GOLGA4: variants seen among roughly 807,000 people sequenced by gnomAD.
GOLGA4 encodes the protein golgin subfamily A member 4.
In GOLGA4, 169 loss-of-function variants were observed where a neutral mutation model predicts 265.9. The observed-to-expected ratio is 0.64, with a 90% confidence interval of 0.56 to 0.72. The LOEUF (loss-of-function observed/expected upper bound fraction) is 0.72. GOLGA4 is among the 30% of genes least tolerant of loss of function. GOLGA4 has a pLI of 0.00. For missense variants in GOLGA4, 2,482 were observed against 2,483.4 expected (o/e 1.00, Z 0.01); for synonymous variants, 923 against 855.8 (o/e 1.08, Z -1.37).
chr3:37,284,240 T>C (rs1289246443), intron 3 of GOLGA4, among the ~76,000 whole-genome samples: 1 of 152,136 alleles, frequency 6.6e-6, no homozygotes, highest in Non-Finnish European at 1.5e-5. Context: ...ATGTGCAGGG[T>C]TGTTACACTG....
At chr3:37,314,912 C>T (rs914094533) in intron 10 of GOLGA4, among the ~76,000 whole-genome samples, 3 of 152,070 alleles carry the variant, frequency 2.0e-5, no homozygotes, top group African/African-American at 7.2e-5. Flanking sequence ...AAACAAAAAT[C>T]TCTGCTCTTT....
chr3:37,356,793 C>T (rs1008085075), intron 22 of GOLGA4, among the ~76,000 whole-genome samples: 1 of 152,016 alleles, frequency 6.6e-6, no homozygotes, highest in African/African-American at 2.4e-5. Flanking sequence ...TATAAAAGGG[C>T]TTTTATTTAG....
chr3:37,243,404 T>C lies in GOLGA4; in HGVS notation c.-147T>C, dbSNP rs2096708070. 7 of 695,348 alleles carry C rather than the reference T, an allele frequency of 1.0e-5. No individual in the cohort carries two copies. The highest frequency in any genetic ancestry group is 5.2e-5 in the Admixed American group (2 of 38,114). 43.1% of individuals were successfully genotyped at this position (695,348 alleles called of 1,614,324 possible). A position where few individuals can be genotyped will look rare whatever the true frequency, so the allele number is the denominator to read the frequency against. ...ACACCCTCAGGACGAGTGTCCGGAC[T>C]TGCCCACAGCCTCAAGGAGGAGACG... On this transcript the variant is annotated 5_prime_UTR_variant, in exon 1 of 24. Coordinates refer to ENST00000361924, the MANE Select transcript of GOLGA4 (RefSeq NM_002078.5).
chr3:37,322,359 A>G (rs1274850902), intron 13 of GOLGA4, among the ~76,000 whole-genome samples: 2 of 152,200 alleles, frequency 1.3e-5, no homozygotes, highest in Admixed American at 6.5e-5. Flanking sequence ...TAGTCCCGTA[A>G]TGAACATATT....
intron 17 of GOLGA4, among the ~76,000 whole-genome samples, chr3:37,335,511 T>C (rs79068554): frequency 0.011 from 1,636 of 152,270 alleles, 38 homozygotes; most frequent in African/African-American, 0.035. Flanking sequence ...AAATGGTCCA[T>C]TGTAAATGTG....
At chr3:37,342,874 C>G (rs2097041504) in intron 20 of GOLGA4, among the ~76,000 whole-genome samples, 1 of 152,194 alleles carries the variant, frequency 6.6e-6, no homozygotes, top group Non-Finnish European at 1.5e-5. Context: ...TCTCACCACT[C>G]TAGCACCTCA....
At chr3:37,258,586 C>G (rs1272020487) in intron 2 of GOLGA4, among the ~76,000 whole-genome samples, 1 of 152,190 alleles carries the variant, frequency 6.6e-6, no homozygotes, top group Non-Finnish European at 1.5e-5. Flanking sequence ...CCTTGGACTC[C>G]TAAAGTGCTG....
intron 2 of GOLGA4, among the ~76,000 whole-genome samples, chr3:37,271,743 G>C (rs2096799295): frequency 6.6e-6 from 1 of 152,034 alleles, no homozygotes; most frequent in African/African-American, 2.4e-5. Flanking sequence ...CTAAAACAGT[G>C]CTTCCCAACC....
chr3:37,247,515 A>G (rs1451446888), intron 1 of GOLGA4, among the ~76,000 whole-genome samples: 2 of 152,244 alleles, frequency 1.3e-5, no homozygotes, highest in African/African-American at 2.4e-5. Flanking sequence ...ATGAAAAGTC[A>G]TGGTATAGGG....
intron 6 of GOLGA4, 95 bp downstream of exon 6, chr3:37,295,172 T>A (rs1165942640): frequency 3.2e-6 from 2 of 631,626 alleles, no homozygotes; most frequent in Non-Finnish European, 5.3e-6. Context: ...AAGTTTTTTC[T>A]TTTTTAAGAC....
chr3:37,316,493 T>C (rs2150932468), intron 11 of GOLGA4, among the ~76,000 whole-genome samples: 1 of 152,240 alleles, frequency 6.6e-6, no homozygotes, highest in East Asian at 1.9e-4. Flanking sequence ...TGCTGAACTA[T>C]AGGTAATTTG....
intron 8 of GOLGA4, 59 bp from the exon 9 acceptor site, chr3:37,299,229 G>C (rs1164469580): frequency 1.8e-6 from 2 of 1,137,004 alleles, no homozygotes; most frequent in Non-Finnish European, 2.6e-6. Flanking sequence ...AATGTTTAGA[G>C]TTCTCAAATG....
In GOLGA4 at chr3:37,325,022, A is replaced by G. The variant is rs1366388105; in HGVS notation, c.3136A>G (p.Ile1046Val). 7.4e-6 allele frequency: 12 copies of G among 1,612,808 alleles called. No individual in the cohort carries two copies. The highest frequency in any genetic ancestry group is 2.2e-5 in the East Asian group (1 of 44,854). Reference sequence around the variant, plus strand: ...ACGAGAACTCAATGATGTCATATCAATCTGGGAAAAGAAACTTAATCAGCA... The same window carrying G: ...ACGAGAACTCAATGATGTCATATCAGTCTGGGAAAAGAAACTTAATCAGCA... ...HRRELNDVIS[I>V]WEKKLNQQAE... The change falls in exon 14 of 24, where the codon ATC becomes GTC. Residue 1046 changes from isoleucine (I) to valine (V), a missense_variant. Ile to Val is a conservative substitution (Grantham distance 29). Coordinates refer to ENST00000361924, the MANE Select transcript of GOLGA4 (RefSeq NM_002078.5).
intron 1 of GOLGA4, among the ~76,000 whole-genome samples, chr3:37,247,491 A>G (rs574196401): frequency 6.6e-6 from 1 of 152,342 alleles, no homozygotes; most frequent in Admixed American, 6.5e-5. Context: ...ATCTGAGTAG[A>G]GCCTTGATGG....
chr3:37,336,122 A>G (rs1033268510), intron 17 of GOLGA4, among the ~76,000 whole-genome samples: 1 of 152,222 alleles, frequency 6.6e-6, no homozygotes, highest in Admixed American at 6.5e-5. Context: ...GTCACTTGGT[A>G]GGCATATGTC....
intron 2 of GOLGA4, among the ~76,000 whole-genome samples, chr3:37,256,509 T>A (rs1183742585): frequency 6.6e-6 from 1 of 152,094 alleles, no homozygotes; most frequent in Admixed American, 6.6e-5. Context: ...TATATTATTA[T>A]AAACATTGAA....
At chr3:37,245,312 T>C (rs1332254131) in intron 1 of GOLGA4, 3 of 152,492 alleles carry the variant, frequency 2.0e-5, no homozygotes, top group African/African-American at 7.2e-5. Context: ...GATGAAGGAG[T>C]GAGGCTCGAA....
intron 9 of GOLGA4, among the ~76,000 whole-genome samples, chr3:37,299,760 A>G (rs1461397229): frequency 6.6e-6 from 1 of 152,186 alleles, no homozygotes; most frequent in Non-Finnish European, 1.5e-5. Flanking sequence ...CCTAACAAAT[A>G]AATAAGGGGC....
In GOLGA4 at chr3:37,323,960, G is replaced by C; in HGVS notation, c.2074G>C (p.Glu692Gln). ...KQTELESLSS[E>Q]LSEVLKARHK... ...AACAGAACTAGAATCATTATCTTCT[G>C]AACTGTCAGAAGTATTAAAAGCCCG... The change falls in exon 14 of 24, where the codon GAA becomes CAA. Residue 692 changes from glutamate (E) to glutamine (Q), a missense_variant. Glu to Gln is a conservative substitution (Grantham distance 29). Coordinates refer to ENST00000361924, the MANE Select transcript of GOLGA4 (RefSeq NM_002078.5). The C allele has an allele frequency of 6.2e-7, 1 of 1,613,458 alleles. No homozygotes were observed. Among genetic ancestry groups the C allele is most frequent in the South Asian group, 1.1e-5 (1 of 91,002 alleles).
Sources: allele counts gnomAD v4.1 joint callset (sites outside exome capture counted in the v4.1 genomes callset), GRCh38; gene constraint gnomAD v4.1.1; transcripts MANE v1.5; gene names NCBI Gene and HGNC (gene_info 2026-07-23, HGNC 2026-07-21).